The following ZNF609 variants were observed in gnomAD, a reference collection of about 807,000 sequenced individuals.
The protein encoded by ZNF609 is zinc finger protein 609.
In ZNF609, 11 loss-of-function variants were observed where a neutral mutation model predicts 109.5. That is an observed-to-expected ratio of 0.10 (90% CI 0.06 to 0.17). The LOEUF is 0.17. Among genes scored for constraint, ZNF609 ranks in the 10% least tolerant of loss-of-function variants. The pLI is 1.00. For missense variants in ZNF609, 1,559 were observed against 1,772.4 expected (o/e 0.88, Z 2.16); for synonymous variants, 646 against 662.0 (o/e 0.98, Z 0.37).
intron 2 of ZNF609, among the ~76,000 whole-genome samples, chr15:64,534,675 C>T: frequency 6.6e-6 from 1 of 152,108 alleles, no homozygotes; most frequent in East Asian, 1.9e-4. Context: ...TATATTCCCA[C>T]CTCCATCCCT....
chr15:64,648,961 T>C (rs1896375110), intron 3 of ZNF609, among the ~76,000 whole-genome samples: 2 of 151,942 alleles, frequency 1.3e-5, no homozygotes, highest in Admixed American at 1.3e-4. Context: ...ATTTCATAGG[T>C]GGAAAAGGAA....
chr15:64,559,442 C>T (rs1567014357), intron 2 of ZNF609, among the ~76,000 whole-genome samples: 2 of 152,130 alleles, frequency 1.3e-5, no homozygotes, highest in African/African-American at 4.8e-5. Flanking sequence ...AGCAAGGAGA[C>T]CATTGGTAGC....
intron 2 of ZNF609, among the ~76,000 whole-genome samples, chr15:64,543,280 T>G (rs1039071856): frequency 1.3e-5 from 2 of 149,496 alleles, no homozygotes; most frequent in African/African-American, 4.9e-5. Flanking sequence ...TTTTTCTAAT[T>G]TCATCTACCA....
chr15:64,500,201 G>T, intron 2 of ZNF609, 35 bp downstream of exon 2: 1 of 1,605,334 alleles, frequency 6.2e-7, no homozygotes. Context: ...CCCACTGACT[G>T]CCAGTCAGAA....
intron 2 of ZNF609, among the ~76,000 whole-genome samples, chr15:64,526,422 C>T (rs79866634): frequency 0.1 from 15,183 of 152,056 alleles, 993 homozygotes; most frequent in African/African-American, 0.19. Context: ...TTACTTACAA[C>T]CTCGATGTCT....
chr15:64,537,550 C>CA (rs977256001), intron 2 of ZNF609, among the ~76,000 whole-genome samples: 15 of 146,152 alleles, frequency 1.0e-4, no homozygotes, highest in South Asian at 2.2e-4. Context: ...GAGACTCCAT[C>CA]AAAAAAAAGA....
chr15:64,529,698 G>A lies in ZNF609; in HGVS notation c.747+29532G>A, dbSNP rs925744329. ...GTGTCTCAGGGATGCAGCTGCCAAT[G>A]CGAGAGAATATGTGGCTGTCTGTCG... On this transcript the variant is annotated intron_variant, in intron 2 of 9. Transcript: ENST00000326648. The A allele has an allele frequency of 2.2e-5, 15 of 693,934 alleles. 1 individual carries two copies. The highest frequency in any genetic ancestry group is 1.4e-4 in the Admixed American group (8 of 56,270). 43.0% of individuals were successfully genotyped at this position (693,934 alleles called of 1,614,324 possible).
At chr15:64,564,903 A>ACT (rs1894750786) in intron 2 of ZNF609, among the ~76,000 whole-genome samples, 1 of 150,154 alleles carries the variant, frequency 6.7e-6, no homozygotes. Flanking sequence ...GCTGGAGTGC[A>ACT]GTGGTGCGAT....
intron 1 of ZNF609, among the ~76,000 whole-genome samples, chr15:64,482,901 C>T (rs1398976682): frequency 6.6e-6 from 1 of 152,148 alleles, no homozygotes; most frequent in African/African-American, 2.4e-5. Context: ...AAATACTTGC[C>T]TAGGTCTACA....
chr15:64,654,653 G>C (rs527710142), intron 3 of ZNF609, among the ~76,000 whole-genome samples: 1 of 152,236 alleles, frequency 6.6e-6, no homozygotes, highest in East Asian at 1.9e-4. Context: ...AACAGATTGA[G>C]ATCATGTCTT....
intron 3 of ZNF609, among the ~76,000 whole-genome samples, chr15:64,625,934 TATAGAGAGAGAGAGAGAGAG>T (rs1263201291): frequency 5.6e-5 from 4 of 71,044 alleles, no homozygotes; most frequent in Admixed American, 1.9e-4. Flanking sequence ...TATATATATA[TATAGAGAGAGAGAGAGAGAG>T]AGAGAGAGAG....
At chr15:64,489,561 G>T (rs1232490912) in intron 1 of ZNF609, among the ~76,000 whole-genome samples, 1 of 128,152 alleles carries the variant, frequency 7.8e-6, no homozygotes, top group Non-Finnish European at 1.6e-5. Context: ...ACGGAGTCTC[G>T]CTCTGTCACC....
intron 1 of ZNF609, among the ~76,000 whole-genome samples, chr15:64,468,161 C>A (rs2140328257): frequency 6.6e-6 from 1 of 151,978 alleles, no homozygotes; most frequent in East Asian, 1.9e-4. Flanking sequence ...GAAGTACAGG[C>A]AGGCGCCACC....
Position 64,588,442 on chromosome 15 carries a change from A to AAAAAAAAAAAAAAAAAAAAAG in ZNF609, c.748-34383_748-34382insAAAAAAAAAAAAAAAAAAGAA, listed in dbSNP as rs71133451. On this transcript the variant is annotated intron_variant, in intron 2 of 9. Coordinates refer to ENST00000326648, the MANE Select transcript of ZNF609 (RefSeq NM_015042.2). Reference sequence around the variant, plus strand: ...CACTCTGTCTAAAAAAAAAAAAAAAAAAGAAGAGGAAGACTGTACAGACTA... The same window carrying AAAAAAAAAAAAAAAAAAAAAG: ...CACTCTGTCTAAAAAAAAAAAAAAAAAAAAAAAAAAAAAAAAAAAAGAAGAAGAGGAAGACTGTACAGACTA... Among the ~76,000 whole-genome samples the AAAAAAAAAAAAAAAAAAAAAG allele has an allele frequency of 6.5e-3, 486 of 75,260 alleles. 159 individuals are homozygous for AAAAAAAAAAAAAAAAAAAAAG. The highest frequency in any genetic ancestry group is 0.021 in the East Asian group (37 of 1,734). The allele number at this position is 75,260 out of a possible 152,430, so 49.4% of individuals were successfully genotyped here. A position where few individuals can be genotyped will look rare whatever the true frequency, so the allele number is the denominator to read the frequency against.
intron 3 of ZNF609, among the ~76,000 whole-genome samples, chr15:64,627,960 T>C (rs910854568): frequency 2.0e-5 from 3 of 148,848 alleles, no homozygotes; most frequent in African/African-American, 7.4e-5. Context: ...ATGCCCAGCC[T>C]ATCAGCTCTT....
At chr15:64,494,663 T>C (rs1012788879) in intron 1 of ZNF609, among the ~76,000 whole-genome samples, 1 of 152,130 alleles carries the variant, frequency 6.6e-6, no homozygotes, top group Non-Finnish European at 1.5e-5. Flanking sequence ...TAGCTGGGAT[T>C]ACAGGCTCCC....
In ZNF609 at chr15:64,538,765, T is replaced by G. The variant is rs571315939; in HGVS notation, c.747+38599T>G. ...TTCTCCATGTTAGTCAGGCTGGTCTTGAACTCCCGACCTCAAGTGATCCAC... is the reference window on the plus strand; with the variant it reads ...TTCTCCATGTTAGTCAGGCTGGTCTGGAACTCCCGACCTCAAGTGATCCAC... On this transcript the variant is annotated intron_variant, in intron 2 of 9. Coordinates refer to ENST00000326648, the MANE Select transcript of ZNF609 (RefSeq NM_015042.2). Among the ~76,000 whole-genome samples the G allele has an allele frequency of 8.8e-4, 134 of 152,152 alleles. 2 individuals carry two copies. The highest frequency in any genetic ancestry group is 3.2e-3 in the African/African-American group (133 of 41,506).
At chr15:64,537,357 C>T (rs1330988317) in intron 2 of ZNF609, among the ~76,000 whole-genome samples, 2 of 151,576 alleles carry the variant, frequency 1.3e-5, no homozygotes, top group African/African-American at 2.4e-5. Flanking sequence ...CAAAATTAGC[C>T]GGGTGTGGTG....
At chr15:64,580,260 C>T (rs1895076113) in intron 2 of ZNF609, among the ~76,000 whole-genome samples, 2 of 152,206 alleles carry the variant, frequency 1.3e-5, no homozygotes, top group Admixed American at 1.3e-4. Flanking sequence ...AAATGCAGCC[C>T]TGCTGACATC....
Sources: allele counts gnomAD v4.1 joint callset (sites outside exome capture counted in the v4.1 genomes callset), GRCh38; gene constraint gnomAD v4.1.1; transcripts MANE v1.5; gene names NCBI Gene and HGNC (gene_info 2026-07-23, HGNC 2026-07-21).